PARD3B: variants seen among roughly 807,000 people sequenced by gnomAD.
The protein encoded by PARD3B is par-3 family cell polarity regulator beta, also known as partitioning defective 3 homolog B.
PARD3B carries 103 observed loss-of-function variants against 130.2 expected under a neutral mutation model. The observed-to-expected ratio is 0.79, with a 90% CI of 0.67 to 0.93. The LOEUF (loss-of-function observed/expected upper bound fraction) is 0.93, where lower values mean the gene tolerates loss of function less well. Among genes scored for constraint, PARD3B ranks in the 40% least tolerant of loss-of-function variants. The pLI is 0.00. For missense variants in PARD3B, 1,609 were observed against 1,499.2 expected, an observed-to-expected ratio of 1.07 and a Z score of -1.21; for synonymous variants, 583 against 553.2, an observed-to-expected ratio of 1.05 and a Z score of -0.76.
chr2:205,249,468 C>G (rs908888242), intron 16 of PARD3B, among the ~76,000 whole-genome samples: 1 of 152,062 alleles, frequency 6.6e-6, no homozygotes, highest in African/African-American at 2.4e-5. Flanking sequence ...AAATTTGTGA[C>G]AATATTTTTG....
At chr2:205,408,932 A>G (rs886675479) in intron 19 of PARD3B, among the ~76,000 whole-genome samples, 1 of 152,112 alleles carries the variant, frequency 6.6e-6, no homozygotes, top group Non-Finnish European at 1.5e-5. Flanking sequence ...GCTGGATTAG[A>G]TCCCAGTTTT....
chr2:205,523,815 CTTTTTTTT>C (rs11307073), intron 21 of PARD3B, among the ~76,000 whole-genome samples: 1 of 121,478 alleles, frequency 8.2e-6, no homozygotes, highest in Non-Finnish European at 1.7e-5. Context: ...CTCTGATAAC[CTTTTTTTT>C]TTTTTTTTTT....
rs1380037016 is a variant in PARD3B at position 205,274,541 on chromosome 2, T to TC, written c.2186-25989_2186-25988insC. On this transcript the variant is annotated intron_variant, in intron 16 of 22. Coordinates refer to ENST00000406610, the MANE Select transcript of PARD3B (RefSeq NM_001302769.2). This position sits in a 1 kb window ranked among gnomAD's most constrained non-coding sequence, Gnocchi z 4.2. ...GTATTAAATGTGTGGTACATTGCTT[T>TC]TTTTAATAACCCCTTTCCTGATATC... Among the ~76,000 whole-genome samples the TC allele has an allele frequency of 7.1e-4, 22 of 31,170 alleles. No homozygotes were observed. The highest frequency in any genetic ancestry group is 1.8e-3 in the Non-Finnish European group (20 of 11,226). The allele number at this position is 31,170 out of a possible 152,430, so 20.4% of individuals were successfully genotyped here. A position where few individuals can be genotyped will look rare whatever the true frequency, so the allele number is the denominator to read the frequency against.
intron 13 of PARD3B, among the ~76,000 whole-genome samples, chr2:205,181,741 A>T (rs1429901189): frequency 6.6e-6 from 1 of 152,224 alleles, no homozygotes; most frequent in Non-Finnish European, 1.5e-5. Flanking sequence ...ACAACAAAAG[A>T]TGATAATTAA....
At chr2:204,693,255 A>G (rs2125258136) in intron 2 of PARD3B, among the ~76,000 whole-genome samples, 1 of 152,198 alleles carries the variant, frequency 6.6e-6, no homozygotes, top group South Asian at 2.1e-4. Context: ...CCAAATTTAT[A>G]TCCATAATAT....
chr2:204,837,932 T>G (rs1180523836), intron 2 of PARD3B, among the ~76,000 whole-genome samples: 1 of 152,130 alleles, frequency 6.6e-6, no homozygotes, highest in African/African-American at 2.4e-5. Context: ...ACCCCCAGTT[T>G]GGTTCATTCA....
intron 1 of PARD3B, among the ~76,000 whole-genome samples, chr2:204,658,186 T>A (rs749016874): frequency 1.8e-4 from 28 of 152,140 alleles, no homozygotes; most frequent in Non-Finnish European, 3.8e-4. Flanking sequence ...TCAAAGACAC[T>A]TTGAAGACTA....
chr2:204,707,355 T>C (rs550082085), intron 2 of PARD3B, among the ~76,000 whole-genome samples: 6 of 152,352 alleles, frequency 3.9e-5, no homozygotes, highest in African/African-American at 1.4e-4. Context: ...AAGCAAGATA[T>C]GGAGTTGCTG....
At chr2:204,595,729 T>C (rs1477784428) in intron 1 of PARD3B, among the ~76,000 whole-genome samples, 1 of 152,264 alleles carries the variant, frequency 6.6e-6, no homozygotes, top group Non-Finnish European at 1.5e-5. Context: ...TAAAGCTGCA[T>C]GTATAAAATG....
At chr2:205,484,947 G>C (rs1470091981) in intron 20 of PARD3B, among the ~76,000 whole-genome samples, 1 of 152,146 alleles carries the variant, frequency 6.6e-6, no homozygotes, top group Non-Finnish European at 1.5e-5. Context: ...TCAATTGTCA[G>C]CAGCAGAGTG....
At chr2:205,203,244 A>C (rs2037088258) in intron 15 of PARD3B, among the ~76,000 whole-genome samples, 1 of 152,160 alleles carries the variant, frequency 6.6e-6, no homozygotes, top group Admixed American at 6.5e-5. Context: ...CTGATTAGAA[A>C]TTTTGGTCAA....
At chr2:205,246,090 T>C (rs954073900) in intron 16 of PARD3B, among the ~76,000 whole-genome samples, 1 of 152,166 alleles carries the variant, frequency 6.6e-6, no homozygotes, top group Non-Finnish European at 1.5e-5. Context: ...GTACTCTAGC[T>C]AAACACTTAA....
chr2:204,581,282 A>G (rs2032540579), intron 1 of PARD3B, among the ~76,000 whole-genome samples: 1 of 152,170 alleles, frequency 6.6e-6, no homozygotes, highest in African/African-American at 2.4e-5. Flanking sequence ...TAATTCTCCT[A>G]AAAGGGGTTT....
chr2:204,702,502 A>G (rs1003815300), intron 2 of PARD3B, among the ~76,000 whole-genome samples: 2 of 152,132 alleles, frequency 1.3e-5, no homozygotes, highest in Non-Finnish European at 2.9e-5. Flanking sequence ...AATGATGAGC[A>G]TTTTAAAAGT....
chr2:205,493,720 GTATGTATTTATT>G (rs1255632233), intron 20 of PARD3B, among the ~76,000 whole-genome samples: 441 of 5,074 alleles, frequency 0.087, 7 homozygotes, highest in African/African-American at 0.096. Flanking sequence ...TTTCATTTAT[GTATGTATTTATT>G]TATTTATTTA....
chr2:205,331,878 C>G (rs849224), intron 18 of PARD3B, among the ~76,000 whole-genome samples: 1 of 150,782 alleles, frequency 6.6e-6, no homozygotes, highest in African/African-American at 2.4e-5. Flanking sequence ...GAAGCTGAGG[C>G]GGGCAGATCA....
chr2:205,087,140 C>G (rs1701787698), intron 4 of PARD3B, among the ~76,000 whole-genome samples: 1 of 152,046 alleles, frequency 6.6e-6, no homozygotes. Flanking sequence ...ATAATACAAA[C>G]AAAAGACAGG....
At chr2:204,929,188 A>G (rs1385641745) in intron 2 of PARD3B, among the ~76,000 whole-genome samples, 2 of 152,100 alleles carry the variant, frequency 1.3e-5, no homozygotes, top group East Asian at 3.9e-4. Context: ...GCTTCTCAAA[A>G]GAATTTGCTG....
chr2:205,006,913 G>A (rs144453420), intron 3 of PARD3B, among the ~76,000 whole-genome samples: 109 of 152,104 alleles, frequency 7.2e-4, no homozygotes, highest in African/African-American at 9.6e-4. Context: ...AGCATTTTCC[G>A]ACGTTATCTT....
Sources: gnomAD v4.1 joint callset for allele counts (sites outside exome capture counted in the v4.1 genomes callset) on GRCh38, gnomAD v4.1.1 for gene constraint, Gnocchi (gnomAD v3.1) non-coding constraint, MANE v1.5 for transcripts, NCBI Gene and HGNC (gene_info 2026-07-23, HGNC 2026-07-21) for gene names.